Variants in CRYBG1 observed in about 807,000 individuals in gnomAD.
CRYBG1 encodes the protein crystallin beta-gamma domain containing 1.
CRYBG1 carries 139 observed loss-of-function variants against 189.2 expected under a neutral mutation model. That is an observed-to-expected ratio of 0.73 (90% CI 0.64 to 0.85). The LOEUF (loss-of-function observed/expected upper bound fraction) is 0.85. CRYBG1 is among the 40% of genes least tolerant of loss of function. The probability of loss-of-function intolerance (pLI) is 0.00; values close to 1 mark genes in which losing one functional copy is unlikely to be tolerated. For missense variants in CRYBG1, 2,611 were observed against 2,675.8 expected (o/e 0.98, Z 0.53); for synonymous variants, 1,023 against 1,017.1 (o/e 1.01, Z -0.11).
At position 106,521,370 on chromosome 6, in the gene CRYBG1, G is replaced by A; in HGVS notation, c.4162G>A (p.Asp1388Asn). 1 of 1,613,788 alleles carries A rather than the reference G, an allele frequency of 6.2e-7. No homozygotes were observed. The highest frequency in any genetic ancestry group is 8.5e-7 in the Non-Finnish European group (1 of 1,179,918). Reference sequence around the variant, plus strand: ...AAACTTGCCAAACTGTGCAAACAGTGACACCGACTTCATGGGTCTTTTCAA... The same window carrying A: ...AAACTTGCCAAACTGTGCAAACAGTAACACCGACTTCATGGGTCTTTTCAA... ...KSNLPNCANS[D>N]TDFMGLFKSS... Residue 1388 changes from aspartate to asparagine, a missense_variant, in exon 4 of 22, where the codon GAC becomes AAC. By Grantham distance (23) the Asp-to-Asn change is conservative. Coordinates refer to ENST00000633556, the MANE Select transcript of CRYBG1 (RefSeq NM_001371242.2).
At chr6:106,409,966 A>G (rs943265875) in intron 1 of CRYBG1, among the ~76,000 whole-genome samples, 5 of 152,214 alleles carry the variant, frequency 3.3e-5, no homozygotes, top group African/African-American at 1.2e-4. Flanking sequence ...GGCATGGGCA[A>G]AGACTTCATG....
At chr6:106,497,049 T>A (rs1772867247) in intron 2 of CRYBG1, among the ~76,000 whole-genome samples, 1 of 152,116 alleles carries the variant, frequency 6.6e-6, no homozygotes, top group Admixed American at 6.5e-5. Flanking sequence ...AACACTGTAG[T>A]AAGAGGGTGA....
intron 1 of CRYBG1, among the ~76,000 whole-genome samples, chr6:106,400,461 A>G (rs941136819): frequency 1.1e-4 from 17 of 152,288 alleles, no homozygotes; most frequent in African/African-American, 4.1e-4. Flanking sequence ...ATGGATGAAG[A>G]AAATATTTCA....
chr6:106,360,928 C>A lies in CRYBG1; in HGVS notation c.20C>A (p.Ala7Asp). The A allele has an allele frequency of 6.5e-7, 1 of 1,534,432 alleles. No individual in the cohort carries two copies. The highest frequency in any genetic ancestry group is 8.7e-7 in the Non-Finnish European group (1 of 1,146,176). MPLSPP[A>D]QGDPGEPSPC... ...AAGACGATGCCGCTGTCCCCGCCAGCCCAGGGCGACCCCGGGGAGCCCAGC... is the reference window on the plus strand; with the variant it reads ...AAGACGATGCCGCTGTCCCCGCCAGACCAGGGCGACCCCGGGGAGCCCAGC... Residue 7 changes from alanine to aspartate, a missense_variant, in exon 1 of 22, where the codon GCC becomes GAC. Coordinates refer to ENST00000633556, the MANE Select transcript of CRYBG1 (RefSeq NM_001371242.2).
intron 1 of CRYBG1, among the ~76,000 whole-genome samples, chr6:106,426,906 T>C (rs1348543075): frequency 1.3e-5 from 2 of 152,212 alleles, no homozygotes; most frequent in Non-Finnish European, 2.9e-5. Context: ...TGCTGCCAAA[T>C]TCAGTAATTA....
At chr6:106,510,838 A>G (rs1773242631) in intron 2 of CRYBG1, among the ~76,000 whole-genome samples, 1 of 152,230 alleles carries the variant, frequency 6.6e-6, no homozygotes, top group Non-Finnish European at 1.5e-5. Flanking sequence ...AGCTCCGGCT[A>G]AGGCGGGGCC....
At chr6:106,442,232 T>G (rs1304290510) in intron 1 of CRYBG1, among the ~76,000 whole-genome samples, 1 of 152,214 alleles carries the variant, frequency 6.6e-6, no homozygotes, top group Non-Finnish European at 1.5e-5. Flanking sequence ...GGAAATGCCA[T>G]GAAGTAATGA....
Position 106,555,799 on chromosome 6 carries a change from G to A in CRYBG1, c.5617G>A (p.Gly1873Ser), listed in dbSNP as rs1037751226. ...TGTATATGATGGAGAAAATTTCACT[G>A]GTAATCAATACGTGTTGGAAGAAGG... ...WVVYDGENFT[G>S]NQYVLEEGHY... The change falls in exon 17 of 22, where the codon GGT (glycine) becomes AGT (serine). Residue 1873 changes from glycine to serine, a missense_variant. Around this residue, in one of 3 missense-constraint regions of CRYBG1, gnomAD observed 1,622 missense variants for 1,735.0 expected, o/e 0.93. Coordinates refer to ENST00000633556, the MANE Select transcript of CRYBG1 (RefSeq NM_001371242.2). 7 of 1,614,146 alleles carry A rather than the reference G, an allele frequency of 4.3e-6. No homozygotes were observed. The highest frequency in any genetic ancestry group is 5.9e-6 in the Non-Finnish European group (7 of 1,180,020).
intron 19 of CRYBG1, 98 bp downstream of exon 19, chr6:106,561,024 T>C: frequency 1.5e-6 from 2 of 1,335,182 alleles, no homozygotes; most frequent in Non-Finnish European, 2.0e-6. Context: ...TCAAAGTTTA[T>C]AACTGGCCTC....
intron 1 of CRYBG1, among the ~76,000 whole-genome samples, chr6:106,435,427 AG>A (rs1771435952): frequency 6.6e-6 from 1 of 152,098 alleles, no homozygotes; most frequent in South Asian, 2.1e-4. Flanking sequence ...GGCCTCCCAA[AG>A]TTCTAGAATT....
chr6:106,520,713 C>T lies in CRYBG1; in HGVS notation c.3505C>T (p.Pro1169Ser). 1.2e-6 allele frequency: 2 copies of T among 1,614,102 alleles called. No homozygotes were observed. The highest frequency in any genetic ancestry group is 1.7e-6 in the Non-Finnish European group (2 of 1,180,022). ...FGLGKKKESQ[P>S]EMSPALHLMQ... ...TTTGGGGAAGAAGAAGGAAAGTCAG[C>T]CAGAAATGTCACCGGCTTTACATTT... The change falls in exon 4 of 22, where the codon CCA becomes TCA. Residue 1169 changes from proline to serine, a missense_variant. Pro to Ser is a moderately conservative substitution (Grantham distance 74). Transcript: ENST00000633556.
chr6:106,482,731 T>C (rs1056896263), intron 2 of CRYBG1, among the ~76,000 whole-genome samples: 2 of 152,176 alleles, frequency 1.3e-5, no homozygotes, highest in African/African-American at 2.4e-5. Flanking sequence ...GCTGAAATCG[T>C]GCCACTGCAC....
rs764840508 is a variant in CRYBG1 at position 106,561,443 on chromosome 6, G to A, written c.6081G>A (p.Glu2027=). 2 of 1,614,036 alleles carry A rather than the reference G, an allele frequency of 1.2e-6. No individual in the cohort carries two copies. The highest frequency in any genetic ancestry group is 2.7e-5 in the African/African-American group (2 of 74,916). ...AGCTTCTGAGGATACAGGTCATGGA[G>A]GATGTCGGGGCCGATGATCAGATTT... ...DLKLLRIQVM[E]DVGADDQIWI... The change falls in exon 20 of 22, where the codon GAG becomes GAA. Residue 2027 remains glutamate, a synonymous_variant. Transcript: ENST00000633556.
At chr6:106,458,151 C>T (rs1452649702) in intron 2 of CRYBG1, among the ~76,000 whole-genome samples, 1 of 152,162 alleles carries the variant, frequency 6.6e-6, no homozygotes. Context: ...TGTATTGTGA[C>T]TAAAGTTAAA....
rs772085001 is a variant in CRYBG1, at chr6:106,513,076, C to G, written c.1922+37C>G. 9 of 1,575,458 alleles carry G rather than the reference C, an allele frequency of 5.7e-6. No homozygotes were observed. The East Asian group carries it at 2.0e-4, about 36-fold the overall frequency. On this transcript the variant is annotated intron_variant, in intron 3 of 21. Coordinates refer to ENST00000633556, the MANE Select transcript of CRYBG1 (RefSeq NM_001371242.2). ...CGCAAGTCCCGGCCGAGTTGCTGTCCGCACACGTGCTGGGGGTCCGCTCTG... is the reference window on the plus strand; with the variant it reads ...CGCAAGTCCCGGCCGAGTTGCTGTCGGCACACGTGCTGGGGGTCCGCTCTG...
intron 1 of CRYBG1, among the ~76,000 whole-genome samples, chr6:106,438,516 G>T (rs1468477462): frequency 6.6e-6 from 1 of 152,106 alleles, no homozygotes; most frequent in African/African-American, 2.4e-5. Context: ...GCAATCCTTG[G>T]TGTTCTCGTT....
intron 1 of CRYBG1, among the ~76,000 whole-genome samples, chr6:106,391,037 C>T (rs803525): frequency 0.36 from 54,134 of 152,002 alleles, 10,053 homozygotes; most frequent in East Asian, 0.55. Flanking sequence ...ACACTCCTAC[C>T]AACAGTTAGT....
chr6:106,484,157 T>G (rs765597225), intron 2 of CRYBG1, among the ~76,000 whole-genome samples: 3 of 152,200 alleles, frequency 2.0e-5, no homozygotes, highest in African/African-American at 4.8e-5. Flanking sequence ...TGGCTATAAG[T>G]GCACAAATTT....
rs1246958312 is a variant in CRYBG1 at position 106,480,968 on chromosome 6, CTTTTTTTTT to C, written c.312+29152_312+29160del. ...CCTGGGTGACAGAGTGAGACTCTGT[CTTTTTTTTT>C]TTTTTTTTTTTTTTTAGACGGAGTC... is the stretch of plus-strand genomic sequence containing the variant. On this transcript the variant is annotated intron_variant, in intron 2 of 21. Transcript: ENST00000633556. 3.5e-4 allele frequency among the ~76,000 whole-genome samples: 5 copies of C among 14,118 alleles called. 1 individual carries two copies. Among genetic ancestry groups the C allele is most frequent in the Non-Finnish European group, 5.4e-4 (5 of 9,322 alleles). 9.3% of individuals were successfully genotyped at this position (14,118 alleles called of 152,430 possible). A position where few individuals can be genotyped will look rare whatever the true frequency, so the allele number is the denominator to read the frequency against.
Sources: allele counts gnomAD v4.1 joint callset (sites outside exome capture counted in the v4.1 genomes callset), GRCh38; gene constraint gnomAD v4.1.1; regional missense constraint gnomAD v4.1.1; transcripts MANE v1.5; gene names NCBI Gene and HGNC (gene_info 2026-07-23, HGNC 2026-07-21).